The following TTF2 variants were observed in gnomAD, a reference collection of about 807,000 sequenced individuals.
The protein encoded by TTF2 is transcription termination factor 2, also known as RNA polymerase II termination factor.
A neutral mutation model predicts 142.4 loss-of-function variants in TTF2; 108 were observed. That is an observed-to-expected ratio of 0.76 (90% CI 0.65 to 0.89). TTF2 has a LOEUF of 0.89. Ranked by LOEUF, TTF2 falls within the 40% of genes least tolerant of loss-of-function variation. The pLI is 0.00. For synonymous variants in TTF2, 483 were observed against 506.2 expected, an observed-to-expected ratio of 0.95 and a Z score of 0.61; for missense variants, 1,327 against 1,379.8, an observed-to-expected ratio of 0.96 and a Z score of 0.61.
intron 3 of TTF2, among the ~76,000 whole-genome samples, chr1:117,067,145 T>C (rs968603076): frequency 6.6e-6 from 1 of 152,224 alleles, no homozygotes; most frequent in Non-Finnish European, 1.5e-5. Flanking sequence ...GGGTTTATTA[T>C]TTTAAAATAG....
intron 3 of TTF2, among the ~76,000 whole-genome samples, chr1:117,071,796 A>C (rs1656598698): frequency 6.6e-6 from 1 of 152,198 alleles, no homozygotes; most frequent in South Asian, 2.1e-4. Flanking sequence ...GCCCTCTAGT[A>C]GCTGAAAATA....
At chr1:117,078,870 G>T (rs1647231510) in intron 8 of TTF2, among the ~76,000 whole-genome samples, 1 of 152,138 alleles carries the variant, frequency 6.6e-6, no homozygotes, top group Non-Finnish European at 1.5e-5. Flanking sequence ...AGAAAGGAGA[G>T]GCAAATTTAA....
chr1:117,073,730 A>G lies in TTF2; in HGVS notation c.285+3A>G. ...GGTGTGGAAGTATTCCATGGCAGGT[A>G]GGAATTATTCATCTGTTTTCAAACC... On this transcript the variant is annotated splice_donor_region_variant and intron_variant, in intron 4 of 22. Coordinates refer to ENST00000369466, the MANE Select transcript of TTF2 (RefSeq NM_003594.4). The surrounding 1 kb of genome is among the most constrained non-coding windows in gnomAD (Gnocchi z 4.4). The G allele has an allele frequency of 6.2e-7, 1 of 1,612,218 alleles. No individual in the cohort carries two copies. Among genetic ancestry groups the G allele is most frequent in the South Asian group, 1.1e-5 (1 of 90,848 alleles).
In TTF2 at chr1:117,085,435, G is replaced by C. The variant is rs2764855; in HGVS notation, c.2055-982G>C. Among the ~76,000 whole-genome samples, 134,211 of 151,984 alleles carry C rather than the reference G, an allele frequency of 0.88. 59,627 individuals are homozygous for C. Among genetic ancestry groups the C allele is most frequent in the East Asian group, 1 (5,147 of 5,148 alleles). ...GGGTGTGGTGGTGTGCACTTGTAGTGCCATTTACTTGGGAGGCTGAGGTGG... is the reference window on the plus strand; with the variant it reads ...GGGTGTGGTGGTGTGCACTTGTAGTCCCATTTACTTGGGAGGCTGAGGTGG... On this transcript the variant is annotated intron_variant, in intron 11 of 22. Transcript: ENST00000369466. This position sits in a 1 kb window ranked among gnomAD's most constrained non-coding sequence, Gnocchi z 4.7.
rs544530890 is a variant in TTF2, at chr1:117,092,959, G to A, written c.2976+58G>A. The stretch of plus-strand genomic sequence containing the variant: ...ACTTCGATTCCTCACACATTTTCCT[G>A]TGTGACAGCACTTCATTTGTCCAAG... On this transcript the variant is annotated intron_variant, in intron 18 of 22. Transcript: ENST00000369466. This position sits in a 1 kb window ranked among gnomAD's most constrained non-coding sequence, Gnocchi z 4.4. 162 of 1,588,972 alleles carry A rather than the reference G, an allele frequency of 1.0e-4. No homozygotes were observed. The highest frequency in any genetic ancestry group is 8.8e-4 in the South Asian group (78 of 88,168).
Position 117,085,268 on chromosome 1 carries a change from T to C in TTF2, c.2054+1100T>C, listed in dbSNP as rs1388383492. Among the ~76,000 whole-genome samples, 1 of 152,168 alleles carries C rather than the reference T, an allele frequency of 6.6e-6. No individual in the cohort carries two copies. The highest frequency in any genetic ancestry group is 2.4e-5 in the African/African-American group (1 of 41,446). On this transcript the variant is annotated intron_variant, in intron 11 of 22. Transcript: ENST00000369466. This position sits in a 1 kb window ranked among gnomAD's most constrained non-coding sequence, Gnocchi z 4.7. ...ATCAAAAGTATTTATTGAGGTTCTC[T>C]TGGGGCTGGGCATGGTGGCTCATGC...
Position 117,099,044 on chromosome 1 carries a change from C to T in TTF2, c.3344+137C>T. The T allele has an allele frequency of 2.7e-6, 2 of 728,246 alleles. No individual in the cohort carries two copies. The highest frequency in any genetic ancestry group is 4.1e-6 in the Non-Finnish European group (2 of 487,702). The allele number at this position is 728,246 out of a possible 1,614,324, so 45.1% of individuals were successfully genotyped here. The stretch of plus-strand genomic sequence containing the variant: ...TGATGATGCCCCTGAGGCATACCTT[C>T]AGGCAAACCACAGTCAGGAGAAAAA... On this transcript the variant is annotated intron_variant, in intron 22 of 22. Coordinates refer to ENST00000369466, the MANE Select transcript of TTF2 (RefSeq NM_003594.4). This position sits in a 1 kb window ranked among gnomAD's most constrained non-coding sequence, Gnocchi z 4.3.
At chr1:117,077,413 G>A (rs1234954430) in intron 7 of TTF2, among the ~76,000 whole-genome samples, 1 of 152,240 alleles carries the variant, frequency 6.6e-6, no homozygotes, top group East Asian at 1.9e-4. Context: ...GAGTCATCCA[G>A]TCAGCATTTG....
chr1:117,067,617 A>G (rs1435989641), intron 3 of TTF2, among the ~76,000 whole-genome samples: 1 of 152,096 alleles, frequency 6.6e-6, no homozygotes, highest in South Asian at 2.1e-4. Context: ...CAATAACAAC[A>G]GAAAACCAGG....
rs1656741090 is a variant in TTF2 at position 117,073,290 on chromosome 1, A to G, written c.219-371A>G. On this transcript the variant is annotated intron_variant, in intron 3 of 22. Coordinates refer to ENST00000369466, the MANE Select transcript of TTF2 (RefSeq NM_003594.4). The surrounding 1 kb of genome is among the most constrained non-coding windows in gnomAD (Gnocchi z 4.4). Reference sequence around the variant, plus strand: ...GTTTTGGGGTTTTTTTTGGGGCAACATTGCTTTGTAGCTAGTGTTGTGACC... The same window carrying G: ...GTTTTGGGGTTTTTTTTGGGGCAACGTTGCTTTGTAGCTAGTGTTGTGACC... Among the ~76,000 whole-genome samples the G allele has an allele frequency of 6.6e-6, 1 of 152,044 alleles. No homozygotes were observed. Among genetic ancestry groups the G allele is most frequent in the Non-Finnish European group, 1.5e-5 (1 of 68,010 alleles).
At chr1:117,096,635 C>T (rs542463564) in intron 20 of TTF2, among the ~76,000 whole-genome samples, 7 of 152,344 alleles carry the variant, frequency 4.6e-5, no homozygotes, top group Non-Finnish European at 7.3e-5. Flanking sequence ...GCCTTGGCCT[C>T]CCAAAGTGCT....
intron 8 of TTF2, among the ~76,000 whole-genome samples, 194 bp downstream of exon 8, chr1:117,078,237 A>AAAT (rs1657180227): frequency 1.3e-5 from 2 of 152,214 alleles, no homozygotes; most frequent in African/African-American, 4.8e-5. Flanking sequence ...AAAAAGTCAT[A>AAAT]AAGTTACTTA....
chr1:117,086,677 C>A lies in TTF2; in HGVS notation c.2160+155C>A, dbSNP rs527736903. On this transcript the variant is annotated intron_variant, in intron 12 of 22. Coordinates refer to ENST00000369466, the MANE Select transcript of TTF2 (RefSeq NM_003594.4). This position sits in a 1 kb window ranked among gnomAD's most constrained non-coding sequence, Gnocchi z 4.2. Reference sequence around the variant, plus strand: ...GAAAGGAATTGTTCTTTCCTCTATCCCATCACCCTTATTCCAGACAACCAC... The same window carrying A: ...GAAAGGAATTGTTCTTTCCTCTATCACATCACCCTTATTCCAGACAACCAC... 1.7e-4 allele frequency among the ~76,000 whole-genome samples: 26 copies of A among 152,238 alleles called. 1 individual carries two copies. The South Asian group carries it at 4.4e-3, about 26-fold the overall frequency.
At chr1:117,074,035 T>C (rs1656792269) in intron 4 of TTF2, among the ~76,000 whole-genome samples, 1 of 152,208 alleles carries the variant, frequency 6.6e-6, no homozygotes, top group Non-Finnish European at 1.5e-5. Flanking sequence ...TATCTTTTTA[T>C]AGAGGAATTT....
Position 117,096,305 on chromosome 1 carries a change from A to G in TTF2, c.3186+6A>G. 1.2e-6 allele frequency: 2 copies of G among 1,614,032 alleles called. No individual in the cohort carries two copies. The highest frequency in any genetic ancestry group is 1.7e-6 in the Non-Finnish European group (2 of 1,179,972). On this transcript the variant is annotated splice_donor_region_variant and intron_variant, in intron 20 of 22. Transcript: ENST00000369466. ...ACCACTCCAGAGGCCCTCAGGTACA[A>G]GCTGGTCACATCAGAGCCGCATAAT... is the stretch of plus-strand genomic sequence containing the variant.
chr1:117,079,753 G>A lies in TTF2; in HGVS notation c.1783+104G>A, dbSNP rs1647328100. 6.5e-6 allele frequency: 7 copies of A among 1,082,724 alleles called. No individual in the cohort carries two copies. The highest frequency in any genetic ancestry group is 5.9e-5 in the Admixed American group (3 of 51,110). The allele number at this position is 1,082,724 out of a possible 1,614,324, so 67.1% of individuals were successfully genotyped here. A position where few individuals can be genotyped will look rare whatever the true frequency, so the allele number is the denominator to read the frequency against. ...TCCTCTCAAGAACTCTATGAGGCAG[G>A]TACTATTATTCCTCATTTTACAGAT... On this transcript the variant is annotated intron_variant, in intron 9 of 22. Coordinates refer to ENST00000369466, the MANE Select transcript of TTF2 (RefSeq NM_003594.4). The surrounding 1 kb of genome is among the most constrained non-coding windows in gnomAD (Gnocchi z 4.2).
At position 117,094,402 on chromosome 1, in the gene TTF2, G is replaced by A. The variant is rs941677833; in HGVS notation, c.2977-907G>A. Among the ~76,000 whole-genome samples, 112 of 152,118 alleles carry A rather than the reference G, an allele frequency of 7.4e-4. 1 individual carries two copies. Among genetic ancestry groups the A allele is most frequent in the African/African-American group, 2.4e-3 (100 of 41,422 alleles). On this transcript the variant is annotated intron_variant, in intron 18 of 22. Coordinates refer to ENST00000369466, the MANE Select transcript of TTF2 (RefSeq NM_003594.4). ...CTGGGGCCCTTAGAGGCTCTTGAAA[G>A]GTTTTTCACATGAGCAGCTGGGAAG...
At position 117,107,436 on chromosome 1, in the gene TTF2, T is replaced by A. The variant is rs1047792115; in HGVS notation, c.*5912T>A. On this transcript the variant is annotated 3_prime_UTR_variant, in exon 23 of 23. Coordinates refer to ENST00000369466, the MANE Select transcript of TTF2 (RefSeq NM_003594.4). The stretch of plus-strand genomic sequence containing the variant: ...TGAAACCTCCAACTGAAATAAATGG[T>A]AAGCTTTTTGTTCTCAATTCTGAAA... 2 of 152,202 alleles carry A rather than the reference T, an allele frequency of 1.3e-5. No individual in the cohort carries two copies. The highest frequency in any genetic ancestry group is 4.8e-5 in the African/African-American group (2 of 41,436). The allele number at this position is 152,202 out of a possible 1,614,324, so 9.4% of individuals were successfully genotyped here.
At chr1:117,089,681 C>G (rs1298378487) in intron 13 of TTF2, among the ~76,000 whole-genome samples, 1 of 152,116 alleles carries the variant, frequency 6.6e-6, no homozygotes, top group Non-Finnish European at 1.5e-5. Flanking sequence ...AGAGCAAGAC[C>G]TCAGTCTCTA....
Sources: gnomAD v4.1 joint callset for allele counts (sites outside exome capture counted in the v4.1 genomes callset) on GRCh38, gnomAD v4.1.1 for gene constraint, Gnocchi (gnomAD v3.1) non-coding constraint, MANE v1.5 for transcripts, NCBI Gene and HGNC (gene_info 2026-07-23, HGNC 2026-07-21) for gene names.